The following COX6A2 variants were observed in gnomAD, a reference collection of about 807,000 sequenced individuals.
COX6A2 encodes the protein cytochrome c oxidase subunit 6A2, mitochondrial.
Under a neutral mutation model 7.2 loss-of-function variants are expected in COX6A2, and 5 were observed. The ratio of observed to expected loss-of-function variants is 0.69; its 90% CI spans 0.36 to 1.45. The LOEUF is 1.45. Among genes scored for constraint, COX6A2 ranks in the 40% most tolerant of loss-of-function variants. The pLI is 0.03. For synonymous variants in COX6A2, 63 were observed against 55.9 expected (o/e 1.13, Z -0.56); for missense variants, 174 against 137.7 (o/e 1.26, Z -1.32).
In COX6A2 at chr16:31,428,322, C is replaced by T; in HGVS notation, c.4G>A (p.Ala2Thr). The change falls in exon 1 of 3, where the codon GCT becomes ACT. Residue 2 changes from alanine (A) to threonine (T), a missense_variant. Physicochemically the swap from Ala to Thr is moderately conservative, Grantham distance 58 (BLOSUM62 0). Transcript: ENST00000287490. ...CGGGTCAGGGGCCTCAGAGGCAAAG[C>T]CATGATGGTGCGGGGAGCCGGGAAC... is the stretch of plus-strand genomic sequence containing the variant. The part of the protein sequence containing the change: M[A>T]LPLRPLTRGL... 1 of 1,601,846 alleles carries T rather than the reference C, an allele frequency of 6.2e-7. No individual in the cohort carries two copies.
Position 31,428,082 on chromosome 16 carries a change from T to G in COX6A2, c.143A>C (p.Tyr48Ser). 2.6e-6 allele frequency: 4 copies of G among 1,555,074 alleles called. No homozygotes were observed. Among genetic ancestry groups the G allele is most frequent in the Non-Finnish European group, 1.7e-6 (2 of 1,151,300 alleles). Residue 48 changes from tyrosine (Y) to serine (S), a missense_variant, in exon 2 of 3, where the codon TAT (tyrosine) becomes TCT (serine). Tyr to Ser is a moderately radical substitution (Grantham distance 144). Transcript: ENST00000287490. Reference sequence around the variant, plus strand: ...GCGCGGGCGGTGGCCCGAGTGGAGATAGGAGTTGAAGGTGCAGAGGGCCAC... The same window carrying G: ...GCGCGGGCGGTGGCCCGAGTGGAGAGAGGAGTTGAAGGTGCAGAGGGCCAC... The part of the protein sequence containing the change: ...PSVALCTFNS[Y>S]LHSGHRPRPE...
rs1380027673 is a variant in COX6A2, at chr16:31,428,060, C to CG, written c.164dup (p.Arg56AlafsTer30). On this transcript the variant is annotated frameshift_variant, in exon 2 of 3. Transcript: ENST00000287490. LOFTEE classifies it high-confidence loss of function. ...GTTGGTAGGGACGGAACTCGGGGCG[C>CG]GGGCGGTGGCCCGAGTGGAGATAGG... 6 of 1,544,448 alleles carry CG rather than the reference C, an allele frequency of 3.9e-6. No homozygotes were observed. The highest frequency in any genetic ancestry group is 1.7e-6 in the Non-Finnish European group (2 of 1,146,644).
rs1221735483 is a variant in COX6A2, at chr16:31,428,082, T to C, written c.143A>G (p.Tyr48Cys). 1.9e-6 allele frequency: 3 copies of C among 1,554,960 alleles called. No individual in the cohort carries two copies. Among genetic ancestry groups the C allele is most frequent in the South Asian group, 2.4e-5 (2 of 84,060 alleles). Residue 48 changes from tyrosine (Y) to cysteine (C), a missense_variant, in exon 2 of 3, where the codon TAT becomes TGT. Transcript: ENST00000287490. ...PSVALCTFNS[Y>C]LHSGHRPRPE... is the part of the protein sequence containing the mutation. ...GCGCGGGCGGTGGCCCGAGTGGAGA[T>C]AGGAGTTGAAGGTGCAGAGGGCCAC...
chr16:31,428,328 T>C lies in COX6A2; in HGVS notation c.-3A>G, dbSNP rs200209655. ...AGGGGCCTCAGAGGCAAAGCCATGA[T>C]GGTGCGGGGAGCCGGGAACCAGCGC... On this transcript the variant is annotated 5_prime_UTR_variant, in exon 1 of 3. Transcript: ENST00000287490. 1.3e-6 allele frequency: 2 copies of C among 1,599,288 alleles called. No individual in the cohort carries two copies. Among genetic ancestry groups the C allele is most frequent in the East Asian group, 4.5e-5 (2 of 44,052 alleles).
At chr16:31,427,967 C>A in intron 2 of COX6A2, 48 bp downstream of exon 2, 5 of 963,098 alleles carry the variant, frequency 5.2e-6, no homozygotes, top group Non-Finnish European at 5.2e-6. Context: ...AGCACCCCCC[C>A]CCGCCCCCGC....
At position 31,427,780 on chromosome 16, in the gene COX6A2, G is replaced by A. The variant is rs768113085; in HGVS notation, c.288C>T (p.His96=). 3 of 1,415,416 alleles carry A rather than the reference G, an allele frequency of 2.1e-6. No individual in the cohort carries two copies. The South Asian group carries it at 5.2e-5, about 25-fold the overall frequency. 87.7% of individuals were successfully genotyped at this position (1,415,416 alleles called of 1,614,324 possible). ...HVNPLPTGYE[H]P is the part of the protein sequence containing the mutation. The stretch of plus-strand genomic sequence containing the variant: ...TCCGGGGGCGTCCGGGGCCTCAGGG[G>A]TGTTCGTAGCCCGTGGGCAGAGGGT... Residue 96 remains histidine (H), a synonymous_variant, in exon 3 of 3, where the codon CAC becomes CAT. Coordinates refer to ENST00000287490, the MANE Select transcript of COX6A2 (RefSeq NM_005205.4).
intron 2 of COX6A2, 22 bp from the exon 3 acceptor site, chr16:31,427,879 G>C (rs373389146): frequency 2.3e-6 from 3 of 1,298,334 alleles, no homozygotes; most frequent in Admixed American, 3.5e-5. Flanking sequence ...GCGGGGGAGG[G>C]AGCGCGCGTG....
chr16:31,427,992 G>A (rs190969236), intron 2 of COX6A2, 23 bp downstream of exon 2: 1 of 1,083,648 alleles, frequency 9.2e-7, no homozygotes, highest in Non-Finnish European at 1.1e-6. Flanking sequence ...CCCCCGTGCC[G>A]CCCGCGCGCC....
chr16:31,428,204 C>T, intron 1 of COX6A2, 49 bp downstream of exon 1: 2 of 1,547,280 alleles, frequency 1.3e-6, no homozygotes, highest in Non-Finnish European at 1.7e-6. Flanking sequence ...GGCCTGTGAA[C>T]AGGTGGGCAG....
rs2082146653 is a variant in COX6A2, at chr16:31,427,795, G to C, written c.273C>G (p.Pro91=). 2.1e-6 allele frequency: 3 copies of C among 1,413,716 alleles called. No individual in the cohort carries two copies. Among genetic ancestry groups the C allele is most frequent in the South Asian group, 3.5e-5 (2 of 56,922 alleles). The allele number at this position is 1,413,716 out of a possible 1,614,324, so 87.6% of individuals were successfully genotyped here. Residue 91 remains proline (P), a synonymous_variant, in exon 3 of 3, where the codon CCC becomes CCG. Transcript: ENST00000287490. ...LFHNSHVNPL[P]TGYEHP ...GGCCTCAGGGGTGTTCGTAGCCCGTGGGCAGAGGGTTCACGTGGCTATTGT... is the reference window on the plus strand; with the variant it reads ...GGCCTCAGGGGTGTTCGTAGCCCGTCGGCAGAGGGTTCACGTGGCTATTGT...
intron 2 of COX6A2, 30 bp from the exon 3 acceptor site, chr16:31,427,887 G>T: frequency 8.2e-7 from 1 of 1,213,646 alleles, no homozygotes; most frequent in Non-Finnish European, 1.0e-6. Context: ...GGGAGCGCGC[G>T]TGAGCGCCGT....
In COX6A2 at chr16:31,427,928, C is replaced by CCA. The variant is rs1555490105; in HGVS notation, c.211-72_211-71insTG. 9.0e-6 allele frequency: 3 copies of CCA among 332,810 alleles called. 1 individual carries two copies. In the African/African-American group the frequency reaches 1.8e-4, roughly 20 times the overall value. 20.6% of individuals were successfully genotyped at this position (332,810 alleles called of 1,614,324 possible). A position where few individuals can be genotyped will look rare whatever the true frequency, so the allele number is the denominator to read the frequency against. On this transcript the variant is annotated intron_variant, in intron 2 of 2. Coordinates refer to ENST00000287490, the MANE Select transcript of COX6A2 (RefSeq NM_005205.4). ...CGGAGTCCGCGCCCCGCGCGACCCCCCCCCCGCAGCACCCCCCCCCGCCCC... is the reference window on the plus strand; with the variant it reads ...CGGAGTCCGCGCCCCGCGCGACCCCCCACCCCCGCAGCACCCCCCCCCGCCCC...
Position 31,428,164 on chromosome 16 carries a change from CG to C in COX6A2, c.74-14del. 1 of 1,567,028 alleles carries C rather than the reference CG, an allele frequency of 6.4e-7. No homozygotes were observed. Among genetic ancestry groups the C allele is most frequent in the South Asian group, 1.2e-5 (1 of 84,886 alleles). ...CGCCAGGTACGAGCTGCGGACGGAG[CG>C]GGGTGAGCGCGGCGGTCCTGGGGCG... On this transcript the variant is annotated splice_polypyrimidine_tract_variant and intron_variant, in intron 1 of 2. Coordinates refer to ENST00000287490, the MANE Select transcript of COX6A2 (RefSeq NM_005205.4).
In COX6A2 at chr16:31,427,854, A is replaced by G. The variant is rs765537469; in HGVS notation, c.214T>C (p.Tyr72His). 5 of 1,356,504 alleles carry G rather than the reference A, an allele frequency of 3.7e-6. No homozygotes were observed. In the African/African-American group the frequency reaches 4.7e-5, roughly 13 times the overall value. 84.0% of individuals were successfully genotyped at this position (1,356,504 alleles called of 1,614,324 possible). A position where few individuals can be genotyped will look rare whatever the true frequency, so the allele number is the denominator to read the frequency against. Residue 72 changes from tyrosine to histidine, a missense_variant, in exon 3 of 3, where the codon TAC (tyrosine) becomes CAC (histidine). Physicochemically the swap from Tyr to His is moderately conservative, Grantham distance 83. Transcript: ENST00000287490. ...YQHLRIRTKPYPWGDGNHTLF... is the reference protein window; with the variant it reads ...YQHLRIRTKPHPWGDGNHTLF... ...GTGTGGTTGCCGTCCCCCCAGGGGTAGGGCTGTGGAGAGAGCGGGGGAGGG... is the reference window on the plus strand; with the variant it reads ...GTGTGGTTGCCGTCCCCCCAGGGGTGGGGCTGTGGAGAGAGCGGGGGAGGG...
At chr16:31,428,181 T>C in intron 1 of COX6A2, 30 bp from the exon 2 acceptor site, 1 of 1,558,032 alleles carries the variant, frequency 6.4e-7, no homozygotes, top group Non-Finnish European at 8.7e-7. Context: ...AGCGCGGCGG[T>C]CCTGGGGCGG....
In COX6A2 at chr16:31,428,166, G is replaced by C; in HGVS notation, c.74-15C>G. The C allele has an allele frequency of 6.4e-7, 1 of 1,567,292 alleles. No individual in the cohort carries two copies. The highest frequency in any genetic ancestry group is 8.6e-7 in the Non-Finnish European group (1 of 1,157,086). On this transcript the variant is annotated splice_polypyrimidine_tract_variant and intron_variant, in intron 1 of 2. Transcript: ENST00000287490. ...CCAGGTACGAGCTGCGGACGGAGCG[G>C]GGTGAGCGCGGCGGTCCTGGGGCGG...
intron 2 of COX6A2, 74 bp from the exon 3 acceptor site, chr16:31,427,931 C>CT (rs1244345170): frequency 8.1e-6 from 3 of 371,224 alleles, no homozygotes; most frequent in South Asian, 3.1e-4. Flanking sequence ...CGACCCCCCC[C>CT]CCGCAGCACC....
Position 31,427,862 on chromosome 16 carries a change from G to A in COX6A2, c.211-5C>T. The A allele has an allele frequency of 1.5e-6, 2 of 1,377,956 alleles. No homozygotes were observed. Among genetic ancestry groups the A allele is most frequent in the East Asian group, 5.6e-5 (2 of 35,930 alleles). The allele number at this position is 1,377,956 out of a possible 1,614,324, so 85.4% of individuals were successfully genotyped here. On this transcript the variant is annotated splice_region_variant and splice_polypyrimidine_tract_variant and intron_variant, in intron 2 of 2. Coordinates refer to ENST00000287490, the MANE Select transcript of COX6A2 (RefSeq NM_005205.4). Reference sequence around the variant, plus strand: ...GCCGTCCCCCCAGGGGTAGGGCTGTGGAGAGAGCGGGGGAGGGAGCGCGCG... The same window carrying A: ...GCCGTCCCCCCAGGGGTAGGGCTGTAGAGAGAGCGGGGGAGGGAGCGCGCG...
rs1597176845 is a variant in COX6A2, at chr16:31,428,108, G to T, written c.117C>A (p.Ser39Arg). Residue 39 changes from serine (S) to arginine (R), a missense_variant, in exon 2 of 3, where the codon AGC becomes AGA. Coordinates refer to ENST00000287490, the MANE Select transcript of COX6A2 (RefSeq NM_005205.4). The stretch of plus-strand genomic sequence containing the variant: ...AGGAGTTGAAGGTGCAGAGGGCCAC[G>T]CTGGGCAGCGCCAGCACGAAGGTCA... ...RLLTFVLALP[S>R]VALCTFNSYL... 6.4e-7 allele frequency: 1 copy of T among 1,566,724 alleles called. No individual in the cohort carries two copies. The highest frequency in any genetic ancestry group is 2.4e-5 in the East Asian group (1 of 41,880).
Sources: allele counts gnomAD v4.1 joint callset, GRCh38; gene constraint gnomAD v4.1.1; transcripts MANE v1.5; gene names NCBI Gene and HGNC (gene_info 2026-07-23, HGNC 2026-07-21).